Variants in COL25A1 observed in about 807,000 individuals in gnomAD.
COL25A1 encodes collagen type XXV alpha 1 chain, also known as collagen alpha-1(XXV) chain.
A neutral mutation model predicts 128.4 loss-of-function variants in COL25A1; 103 were observed. The observed-to-expected ratio is 0.80, with a 90% CI of 0.68 to 0.94. The LOEUF is 0.94. Among genes scored for constraint, COL25A1 ranks in the 40% least tolerant of loss-of-function variants. The probability of loss-of-function intolerance (pLI) is 0.00; values close to 1 mark genes in which losing one functional copy is unlikely to be tolerated. For missense variants in COL25A1, 745 were observed against 840.0 expected (o/e 0.89, Z 1.40); for synonymous variants, 279 against 277.2 (o/e 1.01, Z -0.06).
At chr4:109,013,495 A>AGGCTTTGTTCTTCACACTGTGTG (rs1420661541) in intron 5 of COL25A1, among the ~76,000 whole-genome samples, 4 of 151,928 alleles carry the variant, frequency 2.6e-5, no homozygotes, top group Non-Finnish European at 4.4e-5. Context: ...CACACTGTGT[A>AGGCTTTGTTCTTCACACTGTGTG]GGCTTTGTTC....
At chr4:109,239,829 TA>T (rs1779762832) in intron 3 of COL25A1, among the ~76,000 whole-genome samples, 1 of 152,136 alleles carries the variant, frequency 6.6e-6, no homozygotes, top group African/African-American at 2.4e-5. Context: ...AATCTTAGCT[TA>T]TAACACAAAC....
chr4:109,174,839 G>A (rs920304363), intron 3 of COL25A1, among the ~76,000 whole-genome samples: 1 of 152,174 alleles, frequency 6.6e-6, no homozygotes, highest in African/African-American at 2.4e-5. Context: ...ACTACTACTG[G>A]TCCATGGCCT....
chr4:109,277,111 T>C (rs1206818776), intron 3 of COL25A1, among the ~76,000 whole-genome samples: 1 of 152,218 alleles, frequency 6.6e-6, no homozygotes, highest in Non-Finnish European at 1.5e-5. Flanking sequence ...AAATTGTGCA[T>C]CATGTAATAG....
At chr4:108,923,599 G>A (rs1340663618) in intron 11 of COL25A1, among the ~76,000 whole-genome samples, 1 of 152,146 alleles carries the variant, frequency 6.6e-6, no homozygotes, top group Non-Finnish European at 1.5e-5. Flanking sequence ...TCTCACCTTG[G>A]CATCCCAAAG....
At chr4:108,913,127 T>C (rs1744435245) in intron 13 of COL25A1, among the ~76,000 whole-genome samples, 1 of 152,098 alleles carries the variant, frequency 6.6e-6, no homozygotes, top group African/African-American at 2.4e-5. Context: ...AGAAAAATTC[T>C]AGCTTGCATA....
chr4:109,208,490 A>AAAAAC (rs1578441456), intron 3 of COL25A1, among the ~76,000 whole-genome samples: 2 of 151,794 alleles, frequency 1.3e-5, no homozygotes, highest in Admixed American at 6.6e-5. Flanking sequence ...TAATAAAAAA[A>AAAAAC]AAAAAAACAA....
intron 3 of COL25A1, among the ~76,000 whole-genome samples, chr4:109,166,595 C>A (rs1029585660): frequency 1.3e-5 from 2 of 152,140 alleles, no homozygotes; most frequent in Non-Finnish European, 2.9e-5. Context: ...CCCCAAACAT[C>A]AAAATAGTTG....
At chr4:108,845,997 C>T (rs950705149) in intron 28 of COL25A1, 142 bp downstream of exon 28, 51 of 581,794 alleles carry the variant, frequency 8.8e-5, no homozygotes, top group Middle Eastern at 4.5e-4. Context: ...ACCAATAATA[C>T]CTCAAATATT....
intron 5 of COL25A1, among the ~76,000 whole-genome samples, chr4:109,046,136 A>G (rs1760405439): frequency 1.3e-5 from 2 of 152,198 alleles, no homozygotes; most frequent in African/African-American, 4.8e-5. Context: ...ATTAACCTCT[A>G]TGAGCCTCAG....
chr4:109,113,744 A>G (rs1046289534), intron 3 of COL25A1, among the ~76,000 whole-genome samples: 1 of 152,032 alleles, frequency 6.6e-6, no homozygotes, highest in Non-Finnish European at 1.5e-5. Flanking sequence ...TGAGCACTAC[A>G]TATTTTCGTA....
In COL25A1 at chr4:108,901,130, G is replaced by A. The variant is rs1196817524; in HGVS notation, c.823C>T (p.Pro275Ser). ...LPGAVGQNGIPGPKGEPGEQG... is the reference protein window; with the variant it reads ...LPGAVGQNGISGPKGEPGEQG... ...TTATTTGTACTAACCTTAGGTCCTG[G>A]TATTCCATTCTGTCCTACTGCTCCA... is the stretch of plus-strand genomic sequence containing the variant. The change falls in exon 14 of 38, where the codon CCA (proline) becomes TCA (serine). Residue 275 changes from proline (P) to serine (S), a missense_variant. Pro to Ser is a moderately conservative substitution (Grantham distance 74). Coordinates refer to ENST00000399132, the MANE Select transcript of COL25A1 (RefSeq NM_198721.4). 8.1e-6 allele frequency: 13 copies of A among 1,611,434 alleles called. No homozygotes were observed. In the South Asian group the frequency reaches 1.3e-4, roughly 16 times the overall value.
intron 3 of COL25A1, among the ~76,000 whole-genome samples, chr4:109,225,688 A>G (rs1778754173): frequency 6.6e-6 from 1 of 152,176 alleles, no homozygotes; most frequent in African/African-American, 2.4e-5. Flanking sequence ...CAGAGATACA[A>G]AATCAACCTG....
intron 3 of COL25A1, among the ~76,000 whole-genome samples, chr4:109,208,439 C>A (rs1186659172): frequency 1.3e-5 from 2 of 150,362 alleles, no homozygotes; most frequent in East Asian, 3.9e-4. Context: ...TGTGGAGAAC[C>A]CTGAAGGGAA....
intron 35 of COL25A1, 26 bp from the exon 36 acceptor site, chr4:108,819,355 G>A (rs367989402): frequency 4.5e-6 from 7 of 1,570,772 alleles, no homozygotes; most frequent in Non-Finnish European, 6.1e-6. Context: ...AACTCATAAT[G>A]TTACTAACAC....
At chr4:109,271,193 C>T (rs1025177648) in intron 3 of COL25A1, among the ~76,000 whole-genome samples, 1 of 151,982 alleles carries the variant, frequency 6.6e-6, no homozygotes, top group South Asian at 2.1e-4. Flanking sequence ...ATTATTGTTA[C>T]ACAAAAATAC....
intron 22 of COL25A1, among the ~76,000 whole-genome samples, chr4:108,861,263 T>C (rs1253409939): frequency 6.6e-6 from 1 of 152,230 alleles, no homozygotes; most frequent in South Asian, 2.1e-4. Context: ...AAGTGGTTTC[T>C]ATGGCACCCA....
chr4:108,834,175 C>G (rs1375340358), intron 31 of COL25A1, among the ~76,000 whole-genome samples: 2 of 152,224 alleles, frequency 1.3e-5, no homozygotes, highest in Non-Finnish European at 2.9e-5. Context: ...GACAGAGTTG[C>G]AACCGTCCTC....
chr4:108,870,571 T>C (rs1738589410), intron 19 of COL25A1, among the ~76,000 whole-genome samples: 1 of 152,076 alleles, frequency 6.6e-6, no homozygotes, highest in Non-Finnish European at 1.5e-5. Flanking sequence ...AATCTGAAAA[T>C]ATAATTTTGG....
At chr4:109,015,154 G>A (rs573900459) in intron 5 of COL25A1, among the ~76,000 whole-genome samples, 3 of 152,204 alleles carry the variant, frequency 2.0e-5, no homozygotes, top group African/African-American at 7.2e-5. Context: ...GACTGAGAGC[G>A]TGTGGTGATA....
Sources: allele counts gnomAD v4.1 joint callset (sites outside exome capture counted in the v4.1 genomes callset), GRCh38; gene constraint gnomAD v4.1.1; transcripts MANE v1.5; gene names NCBI Gene and HGNC (gene_info 2026-07-23, HGNC 2026-07-21).